UCHL5: variants seen among roughly 807,000 people sequenced by gnomAD.
UCHL5 encodes ubiquitin carboxyl-terminal hydrolase isozyme L5.
In UCHL5, 34 loss-of-function variants were observed where a neutral mutation model predicts 53.8. The ratio of observed to expected loss-of-function variants is 0.63; its 90% CI spans 0.48 to 0.84. UCHL5 has a LOEUF of 0.84. Ranked by LOEUF, UCHL5 falls within the 40% of genes least tolerant of loss-of-function variation. UCHL5 has a pLI of 0.00. For missense variants in UCHL5, 290 were observed against 385.6 expected (o/e 0.75, Z 2.08); for synonymous variants, 111 against 126.3 (o/e 0.88, Z 0.81).
At chr1:193,030,585 T>C (rs1048269535) in intron 3 of UCHL5, among the ~76,000 whole-genome samples, 1 of 152,344 alleles carries the variant, frequency 6.6e-6, no homozygotes, top group East Asian at 1.9e-4. Flanking sequence ...AGATGATCAG[T>C]GTGAACACCA....
At chr1:193,017,757 A>C (rs1655360062) in intron 10 of UCHL5, among the ~76,000 whole-genome samples, 1 of 151,534 alleles carries the variant, frequency 6.6e-6, no homozygotes, top group East Asian at 1.9e-4. Context: ...ATTAAAATTA[A>C]AAATAATTAT....
chr1:193,031,055 T>C (rs561081836), intron 3 of UCHL5, among the ~76,000 whole-genome samples: 1 of 152,206 alleles, frequency 6.6e-6, no homozygotes, highest in Non-Finnish European at 1.5e-5. Context: ...CCAATTAGCA[T>C]TGCTGCTGAC....
At chr1:193,021,739 G>C (rs772033059) in intron 9 of UCHL5, among the ~76,000 whole-genome samples, 7 of 152,130 alleles carry the variant, frequency 4.6e-5, no homozygotes, top group Non-Finnish European at 8.8e-5. Flanking sequence ...AAGTATAATT[G>C]ATTGCCCTTC....
Position 193,047,675 on chromosome 1 carries a change from C to T in UCHL5, c.246+2071G>A, listed in dbSNP as rs1667775064. On this transcript the variant is annotated intron_variant, in intron 3 of 10. Transcript: ENST00000367454. ...AATAAGTGCAATTTTCAAACAAATG[C>T]AATCAAAGTATTATCTATGGCTCTC... Among the ~76,000 whole-genome samples the T allele has an allele frequency of 1.3e-5, 2 of 152,132 alleles. 1 individual carries two copies. The highest frequency in any genetic ancestry group is 4.8e-5 in the African/African-American group (2 of 41,436).
At chr1:193,059,888 C>T (rs1365795783), upstream of UCHL5, 4 of 1,365,244 alleles carry the variant, frequency 2.9e-6, no homozygotes, top group Admixed American at 3.8e-5. This position sits in a 1 kb window ranked among gnomAD's most constrained non-coding sequence, Gnocchi z 4.9. Context: ...TGAGGCTGGG[C>T]AAACGCCGCG....
chr1:193,015,310 ATTC>A lies in UCHL5; in HGVS notation c.*1038_*1040del, dbSNP rs1376112746. The A allele has an allele frequency of 1.3e-5, 2 of 152,086 alleles. No individual in the cohort carries two copies. The highest frequency in any genetic ancestry group is 1.9e-4 in the East Asian group (1 of 5,202). 9.4% of individuals were successfully genotyped at this position (152,086 alleles called of 1,614,324 possible). A position where few individuals can be genotyped will look rare whatever the true frequency, so the allele number is the denominator to read the frequency against. ...AAAGTCATGTATCAACCTCAGAAAT[ATTC>A]TTGATAAAGAAAAAAGTAGGTTACT... On this transcript the variant is annotated 3_prime_UTR_variant, in exon 11 of 11. Coordinates refer to ENST00000367454, the MANE Select transcript of UCHL5 (RefSeq NM_001199261.3).
intron 3 of UCHL5, among the ~76,000 whole-genome samples, chr1:193,043,246 A>G (rs1015406041): frequency 1.3e-5 from 2 of 150,264 alleles, no homozygotes; most frequent in African/African-American, 4.9e-5. Context: ...CCTGGCTAAC[A>G]TATTTCCTGT....
chr1:193,046,457 T>G (rs1667351808), intron 3 of UCHL5, among the ~76,000 whole-genome samples: 1 of 151,896 alleles, frequency 6.6e-6, no homozygotes, highest in Non-Finnish European at 1.5e-5. Flanking sequence ...AGGTTAATAG[T>G]ACAGACTTCA....
At chr1:193,043,811 G>C (rs1666510230) in intron 3 of UCHL5, among the ~76,000 whole-genome samples, 1 of 152,200 alleles carries the variant, frequency 6.6e-6, no homozygotes, top group African/African-American at 2.4e-5. Context: ...TTGTCACATA[G>C]CATTGCCAGA....
chr1:193,016,354 T>C lies in UCHL5; in HGVS notation c.984A>G (p.Lys328=). Residue 328 remains lysine, a synonymous_variant, in exon 11 of 11, where the codon AAA becomes AAG. Transcript: ENST00000367454. ...KQNAKKAQET[K] is the part of the protein sequence containing the mutation. ...GTGTACATATCTGAAAACATCTTCATTTGGTTTCCTGAGCTTTCTTTGCGT... is the reference window on the plus strand; with the variant it reads ...GTGTACATATCTGAAAACATCTTCACTTGGTTTCCTGAGCTTTCTTTGCGT... 1.9e-6 allele frequency: 3 copies of C among 1,604,462 alleles called. No individual in the cohort carries two copies. The highest frequency in any genetic ancestry group is 2.5e-6 in the Non-Finnish European group (3 of 1,177,072).
chr1:193,043,463 C>T (rs1666374261), intron 3 of UCHL5, among the ~76,000 whole-genome samples: 1 of 152,188 alleles, frequency 6.6e-6, no homozygotes, highest in African/African-American at 2.4e-5. Context: ...GGCTTTCTCT[C>T]TGACAAGGTG....
chr1:193,035,750 A>G (rs2102569773), intron 3 of UCHL5, among the ~76,000 whole-genome samples: 1 of 152,232 alleles, frequency 6.6e-6, no homozygotes, highest in South Asian at 2.1e-4. Flanking sequence ...ATAAAGCCCA[A>G]AAGACAAATC....
rs200637687 is a variant in UCHL5, at chr1:193,051,756, T to G, written c.138A>C (p.Leu46Phe). 6.3e-7 allele frequency: 1 copy of G among 1,584,750 alleles called. No homozygotes were observed. The change falls in exon 2 of 11, where the codon TTA (leucine) becomes TTC (phenylalanine). Residue 46 changes from leucine (L) to phenylalanine (F), a missense_variant and splice_region_variant. Physicochemically the swap from Leu to Phe is conservative, Grantham distance 22. Coordinates refer to ENST00000367454, the MANE Select transcript of UCHL5 (RefSeq NM_001199261.3). ...WSLEPENFEK[L>F]KPVHGLIFLF... ...AACACAACTAAAATTATACTTACTT[T>G]AATTTTTCAAAATTCTCAGGCTCTA...
At chr1:193,046,610 G>T (rs2102776594) in intron 3 of UCHL5, among the ~76,000 whole-genome samples, 1 of 149,082 alleles carries the variant, frequency 6.7e-6, no homozygotes, top group South Asian at 2.1e-4. Context: ...TGTTGTAAGG[G>T]ATCAGATTAA....
chr1:193,027,447 G>A (rs1010583400), intron 7 of UCHL5, among the ~76,000 whole-genome samples: 3 of 152,098 alleles, frequency 2.0e-5, no homozygotes, highest in African/African-American at 2.4e-5. Context: ...CACTTCGGGA[G>A]GCCAAGGTGG....
intron 1 of UCHL5, among the ~76,000 whole-genome samples, chr1:193,053,400 A>G (rs1036618217): frequency 1.3e-5 from 2 of 152,268 alleles, no homozygotes; most frequent in Admixed American, 1.3e-4. Flanking sequence ...AATTTCAAGT[A>G]GCGACACTGC....
At chr1:193,025,964 G>A (rs1659047465) in intron 7 of UCHL5, among the ~76,000 whole-genome samples, 1 of 151,824 alleles carries the variant, frequency 6.6e-6, no homozygotes, top group African/African-American at 2.4e-5. Context: ...ACAATGGACA[G>A]ACTAGTGAGC....
At chr1:193,059,876 G>C (rs1318523701), upstream of UCHL5, 1 of 1,365,008 alleles carries the variant, frequency 7.3e-7, no homozygotes. This position sits in a 1 kb window ranked among gnomAD's most constrained non-coding sequence, Gnocchi z 4.9. Context: ...CATCCCAGGG[G>C]TTGAGGCTGG....
upstream of UCHL5, chr1:193,059,380 G>A (rs769826855): frequency 1.6e-5 from 26 of 1,607,524 alleles, no homozygotes; most frequent in Non-Finnish European, 2.1e-5. This position sits in a 1 kb window ranked among gnomAD's most constrained non-coding sequence, Gnocchi z 4.9. Flanking sequence ...ACGTCACCCC[G>A]CCTACTTCCC....
Sources: allele counts gnomAD v4.1 joint callset (sites outside exome capture counted in the v4.1 genomes callset), GRCh38; gene constraint gnomAD v4.1.1; non-coding constraint Gnocchi (gnomAD v3.1); transcripts MANE v1.5; gene names NCBI Gene and HGNC (gene_info 2026-07-23, HGNC 2026-07-21).